Variants in OTUD7B observed in about 807,000 individuals in gnomAD.
OTUD7B encodes OTU deubiquitinase 7B, also known as OTU domain-containing protein 7B.
A neutral mutation model predicts 82.2 loss-of-function variants in OTUD7B; 34 were observed. The ratio of observed to expected loss-of-function variants is 0.41; its 90% CI spans 0.31 to 0.55. OTUD7B has a LOEUF of 0.55. Among genes scored for constraint, OTUD7B ranks in the 20% least tolerant of loss-of-function variants. The probability of loss-of-function intolerance (pLI) is 0.20; values close to 1 mark genes in which losing one functional copy is unlikely to be tolerated. For synonymous variants in OTUD7B, 398 were observed against 402.7 expected (o/e 0.99, Z 0.14); for missense variants, 944 against 1,062.1 (o/e 0.89, Z 1.55).
chr1:150,000,213 G>A (rs1194677253), intron 1 of OTUD7B, among the ~76,000 whole-genome samples: 4 of 152,140 alleles, frequency 2.6e-5, no homozygotes, highest in East Asian at 3.9e-4. Context: ...GGTGGCTCAC[G>A]CCTGTAATCC....
rs1353437071 is a variant in OTUD7B at position 149,992,474 on chromosome 1, T to TTTTG, written c.-66-14899_-66-14898insCAAA. Among the ~76,000 whole-genome samples the TTTTG allele has an allele frequency of 4.4e-3, 7 of 1,580 alleles. 2 individuals are homozygous for TTTTG. The South Asian group carries it at 0.3, about 68-fold the overall frequency. 1.0% of individuals were successfully genotyped at this position (1,580 alleles called of 152,430 possible). On this transcript the variant is annotated intron_variant, in intron 1 of 11. Transcript: ENST00000581312. Reference sequence around the variant, plus strand: ...ATTGTTTTGTGTGCATGTGTTTTTTTTTTTTTTTTTTTTTTTTTTAGTACA... The same window carrying TTTTG: ...ATTGTTTTGTGTGCATGTGTTTTTTTTTTGTTTTTTTTTTTTTTTTTTTAGTACA...
intron 3 of OTUD7B, among the ~76,000 whole-genome samples, 194 bp downstream of exon 3, chr1:149,970,869 A>G (rs587743987): frequency 1.9e-4 from 29 of 152,194 alleles, no homozygotes; most frequent in African/African-American, 6.0e-4. Context: ...TTTATACAGG[A>G]TAACACTAAA....
chr1:149,943,716 T>C lies in OTUD7B; in HGVS notation c.*141A>G. ...TTGCCAGCCTGGCAGCACTCCTGTG[T>C]GCACACACTTAAAAGTTTCCAGCCA... On this transcript the variant is annotated 3_prime_UTR_variant, in exon 12 of 12. Coordinates refer to ENST00000581312, the MANE Select transcript of OTUD7B (RefSeq NM_020205.4). 2.2e-6 allele frequency: 2 copies of C among 890,990 alleles called. No individual in the cohort carries two copies. Among genetic ancestry groups the C allele is most frequent in the Non-Finnish European group, 3.6e-6 (2 of 562,182 alleles). 55.2% of individuals were successfully genotyped at this position (890,990 alleles called of 1,614,324 possible).
At chr1:150,043,557 C>T in the OTUD7B span, among the ~76,000 whole-genome samples, 2 of 151,998 alleles carry the variant, frequency 1.3e-5, no homozygotes, top group South Asian at 2.1e-4. Flanking sequence ...ATTGTGAATT[C>T]GTGAGTTCAC....
chr1:149,964,477 C>A, intron 5 of OTUD7B, 128 bp from the exon 6 acceptor site: 2 of 768,872 alleles, frequency 2.6e-6, no homozygotes, highest in Non-Finnish European at 4.1e-6. Context: ...AGTGACCCCC[C>A]TGCCTTACCC....
At chr1:149,970,148 G>A (rs1402887656) in intron 3 of OTUD7B, among the ~76,000 whole-genome samples, 2 of 151,246 alleles carry the variant, frequency 1.3e-5, no homozygotes, top group Admixed American at 6.6e-5. Context: ...ATGTTTTCAG[G>A]GCCAGGTGCA....
At position 149,971,037 on chromosome 1, in the gene OTUD7B, C is replaced by T. The variant is rs782618586; in HGVS notation, c.274+26G>A. On this transcript the variant is annotated intron_variant, in intron 3 of 11. Coordinates refer to ENST00000581312, the MANE Select transcript of OTUD7B (RefSeq NM_020205.4). The stretch of plus-strand genomic sequence containing the variant: ...ATCCCCTCCCTTCCTACTCCATATA[C>T]GGAAACATTCCAGTCACCCCAGTAC... The T allele has an allele frequency of 7.2e-6, 11 of 1,527,608 alleles. No homozygotes were observed. The South Asian group carries it at 8.6e-5, about 12-fold the overall frequency. 94.6% of individuals were successfully genotyped at this position (1,527,608 alleles called of 1,614,324 possible). A position where few individuals can be genotyped will look rare whatever the true frequency, so the allele number is the denominator to read the frequency against.
the OTUD7B span, among the ~76,000 whole-genome samples, chr1:150,053,077 T>TA: frequency 3.3e-5 from 5 of 152,026 alleles, no homozygotes; most frequent in African/African-American, 7.2e-5. Flanking sequence ...CCCAAAACTA[T>TA]AAAAACCCTG....
At chr1:149,961,934 C>T (rs587752102) in intron 6 of OTUD7B, 2 of 151,770 alleles carry the variant, frequency 1.3e-5, no homozygotes, top group African/African-American at 4.9e-5. Flanking sequence ...TTTTATTTGG[C>T]TGACATTAGT....
In OTUD7B at chr1:149,948,968, C is replaced by T. The variant is rs782381405; in HGVS notation, c.1238+1G>A. Reference sequence around the variant, plus strand: ...AGATGAAAAGACTAGGCCTGGCTTACCTGGCCAATCGGACATTGTCACTAT... The same window carrying T: ...AGATGAAAAGACTAGGCCTGGCTTATCTGGCCAATCGGACATTGTCACTAT... On this transcript the variant is annotated splice_donor_variant, in intron 10 of 11. Coordinates refer to ENST00000581312, the MANE Select transcript of OTUD7B (RefSeq NM_020205.4). LOFTEE classifies it high-confidence loss of function. 1.3e-6 allele frequency: 2 copies of T among 1,596,372 alleles called. No individual in the cohort carries two copies. The highest frequency in any genetic ancestry group is 2.2e-5 in the South Asian group (2 of 90,730).
chr1:150,062,490 T>C, the OTUD7B span, among the ~76,000 whole-genome samples: 18 of 152,278 alleles, frequency 1.2e-4, no homozygotes, highest in African/African-American at 4.3e-4. Context: ...GCCAAGAAAT[T>C]ATGTCTTACT....
chr1:150,042,587 C>G, the OTUD7B span, among the ~76,000 whole-genome samples: 1 of 152,102 alleles, frequency 6.6e-6, no homozygotes, highest in Non-Finnish European at 1.5e-5. Context: ...ACCCAGAGAA[C>G]TAGTCCTCCA....
intron 1 of OTUD7B, among the ~76,000 whole-genome samples, chr1:149,983,100 C>T: frequency 6.6e-6 from 1 of 152,090 alleles, no homozygotes; most frequent in East Asian, 1.9e-4. Context: ...CGTGATCCAC[C>T]CGCCTTGGCC....
chr1:149,980,136 T>C (rs937811269), intron 1 of OTUD7B, among the ~76,000 whole-genome samples: 10 of 151,680 alleles, frequency 6.6e-5, no homozygotes, highest in African/African-American at 2.2e-4. Context: ...TATGGCATCA[T>C]AGATCTCACA....
rs1401170823 is a variant in OTUD7B, at chr1:149,953,439, T to G, written c.846-3218A>C. ...TTTTGGTACCAATACCATGCTGTTT[T>G]GGTTACTGCAGCCTTGTAGTATAGT... On this transcript the variant is annotated intron_variant, in intron 7 of 11. Coordinates refer to ENST00000581312, the MANE Select transcript of OTUD7B (RefSeq NM_020205.4). Among the ~76,000 whole-genome samples, 4 of 152,382 alleles carry G rather than the reference T, an allele frequency of 2.6e-5. No homozygotes were observed. In the East Asian group the frequency reaches 7.7e-4, roughly 29 times the overall value.
At chr1:150,025,432 A>AACACACACAC in the OTUD7B span, among the ~76,000 whole-genome samples, 4 of 146,906 alleles carry the variant, frequency 2.7e-5, no homozygotes, top group Non-Finnish European at 4.5e-5. Flanking sequence ...AAGCAAACAA[A>AACACACACAC]ACACACACAC....
At chr1:149,988,050 A>G (rs2101892629) in intron 1 of OTUD7B, among the ~76,000 whole-genome samples, 3 of 152,206 alleles carry the variant, frequency 2.0e-5, no homozygotes, top group African/African-American at 7.2e-5. Flanking sequence ...TAGTCTCTTA[A>G]TCTCATGTAT....
At chr1:149,954,936 CTTCT>C (rs1212883419) in intron 7 of OTUD7B, among the ~76,000 whole-genome samples, 1 of 151,996 alleles carries the variant, frequency 6.6e-6, no homozygotes, top group Non-Finnish European at 1.5e-5. Context: ...TCTCTCTTTT[CTTCT>C]TTATTAGTCT....
rs1649607856 is a variant in OTUD7B, at chr1:149,967,615, C to T, written c.275-94G>A. 4.3e-6 allele frequency: 4 copies of T among 934,716 alleles called. No individual in the cohort carries two copies. The South Asian group carries it at 8.7e-5, about 20-fold the overall frequency. The allele number at this position is 934,716 out of a possible 1,614,324, so 57.9% of individuals were successfully genotyped here. A position where few individuals can be genotyped will look rare whatever the true frequency, so the allele number is the denominator to read the frequency against. ...GATAGTTACCTCTCAACAGGGTTTA[C>T]AGTCAGAGAAAAACTAAGTCTAACT... On this transcript the variant is annotated intron_variant, in intron 3 of 11. Coordinates refer to ENST00000581312, the MANE Select transcript of OTUD7B (RefSeq NM_020205.4).
Sources: gnomAD v4.1 joint callset for allele counts (sites outside exome capture counted in the v4.1 genomes callset) on GRCh38, gnomAD v4.1.1 for gene constraint, MANE v1.5 for transcripts, NCBI Gene and HGNC (gene_info 2026-07-23, HGNC 2026-07-21) for gene names.